RPL6: variants seen among roughly 807,000 people sequenced by gnomAD.
RPL6 encodes ribosomal protein L6, also known as large ribosomal subunit protein eL6.
RPL6 carries 1 observed loss-of-function variant against 32.1 expected under a neutral mutation model. The ratio of observed to expected loss-of-function variants is 0.03; its 90% CI spans 0.01 to 0.15. RPL6 has a LOEUF of 0.15. RPL6 is among the 10% of genes least tolerant of loss of function. The probability of loss-of-function intolerance (pLI) is 1.00; values close to 1 mark genes in which losing one functional copy is unlikely to be tolerated. For synonymous variants in RPL6, 126 were observed against 131.6 expected (o/e 0.96, Z 0.29); for missense variants, 275 against 354.6 (o/e 0.78, Z 1.80).
At chr12:112,415,994 C>T (rs568386090) in intron 1 of RPL6, among the ~76,000 whole-genome samples, 390 of 142,784 alleles carry the variant, frequency 2.7e-3, no homozygotes, top group Non-Finnish European at 5.1e-3. Flanking sequence ...AGTCTCGCTC[C>T]GACGCCCAGG....
At chr12:112,412,664 C>T (rs2037354825), upstream of RPL6, among the ~76,000 whole-genome samples, 1 of 152,018 alleles carries the variant, frequency 6.6e-6, no homozygotes, top group African/African-American at 2.4e-5. Context: ...TTTGTAGAGA[C>T]AGGGTCTCAC....
chr12:112,406,159 C>G, intron 5 of RPL6, 122 bp from the exon 6 acceptor site: 1 of 1,199,954 alleles, frequency 8.3e-7, no homozygotes, highest in Admixed American at 2.0e-5. Flanking sequence ...CACTTGCACA[C>G]AAGGCAATGA....
At chr12:112,406,686 G>A (rs2037178315) in intron 4 of RPL6, 61 bp downstream of exon 4, 18 of 1,597,692 alleles carry the variant, frequency 1.1e-5, no homozygotes, top group East Asian at 2.2e-5. Flanking sequence ...GCGTGCAAAC[G>A]CATTGCCACC....
rs2037184635 is a variant in RPL6, at chr12:112,406,832, G to C, written c.395C>G (p.Pro132Arg). ...PRKLLSHGKK[P>R]FSQHVRKLRA... ...CAGTTTTCTCACGTGCTGACTGAAG[G>C]GTTTTTTGCCGTGGCTCAACAGCTT... The change falls in exon 4 of 7, where the codon CCC becomes CGC. Residue 132 changes from proline to arginine, a missense_variant. Physicochemically the swap from Pro to Arg is moderately radical, Grantham distance 103. Coordinates refer to ENST00000202773, the MANE Select transcript of RPL6 (RefSeq NM_000970.6). 1.2e-6 allele frequency: 2 copies of C among 1,614,084 alleles called. No homozygotes were observed. Among genetic ancestry groups the C allele is most frequent in the African/African-American group, 2.7e-5 (2 of 74,920 alleles).
Position 112,408,524 on chromosome 12 carries a change from T to C in RPL6, c.133A>G (p.Ser45Gly), listed in dbSNP as rs17856902. 34 of 1,612,658 alleles carry C rather than the reference T, an allele frequency of 2.1e-5. No individual in the cohort carries two copies. The highest frequency in any genetic ancestry group is 2.9e-5 in the Non-Finnish European group (34 of 1,179,984). The change falls in exon 2 of 7, where the codon AGC becomes GGC. Residue 45 changes from serine (S) to glycine (G), a missense_variant. Ser to Gly is a moderately conservative substitution (Grantham distance 56). Transcript: ENST00000202773. ...CCTCTGACAAGGACAGGGTTGCGGCTGCAATGGGGCTTCCCCTTCTTGGGC... is the reference window on the plus strand; with the variant it reads ...CCTCTGACAAGGACAGGGTTGCGGCCGCAATGGGGCTTCCCCTTCTTGGGC... ...KKPKKGKPHC[S>G]RNPVLVRGIG...
chr12:112,406,924 T>C, intron 3 of RPL6, 34 bp from the exon 4 acceptor site: 2 of 1,610,232 alleles, frequency 1.2e-6, no homozygotes, highest in Non-Finnish European at 1.7e-6. Flanking sequence ...CTTATTTAAA[T>C]AAGCCATTCA....
intron 6 of RPL6, 156 bp downstream of exon 6, chr12:112,405,697 G>T (rs2037140632): frequency 5.7e-6 from 4 of 699,738 alleles, no homozygotes; most frequent in South Asian, 2.1e-5. Context: ...ACTGCCAAAA[G>T]AACTACTCAA....
chr12:112,411,442 A>G (rs2037340101), upstream of RPL6: 1 of 152,146 alleles, frequency 6.6e-6, no homozygotes, highest in Non-Finnish European at 1.5e-5. Context: ...GTTCTGATTC[A>G]CTGAGGATAC....
chr12:112,408,722 T>C (rs2037262009), intron 1 of RPL6, 66 bp from the exon 2 acceptor site: 3 of 1,387,600 alleles, frequency 2.2e-6, no homozygotes, highest in Admixed American at 4.3e-5. Context: ...AAGACAATAA[T>C]GAACCTGTAC....
At chr12:112,406,386 C>G in intron 4 of RPL6, 44 bp from the exon 5 acceptor site, 1 of 1,528,902 alleles carries the variant, frequency 6.5e-7, no homozygotes, top group Non-Finnish European at 9.0e-7. Flanking sequence ...CAATTAAAAA[C>G]TGACTTCTGA....
chr12:112,413,188 TA>T (rs1469039805), upstream of RPL6, among the ~76,000 whole-genome samples: 4 of 152,160 alleles, frequency 2.6e-5, no homozygotes, highest in African/African-American at 9.7e-5. Flanking sequence ...GAAATTCAAA[TA>T]AAGTAATGGC....
intron 1 of RPL6, among the ~76,000 whole-genome samples, chr12:112,417,110 C>T (rs113407720): frequency 5.3e-5 from 8 of 152,048 alleles, no homozygotes; most frequent in African/African-American, 1.2e-4. Context: ...CAGGCTGGAG[C>T]GCAGTGGTGC....
chr12:112,417,038 C>T (rs568479789), intron 1 of RPL6, among the ~76,000 whole-genome samples: 1 of 152,246 alleles, frequency 6.6e-6, no homozygotes, highest in African/African-American at 2.4e-5. Context: ...TATGGCTCTG[C>T]CATTCACTAG....
At chr12:112,414,257 G>C (rs546538498), upstream of RPL6, among the ~76,000 whole-genome samples, 1 of 152,340 alleles carries the variant, frequency 6.6e-6, no homozygotes, top group South Asian at 2.1e-4. Context: ...TGTGCTAAGG[G>C]AAGGAGTTCA....
In RPL6 at chr12:112,405,298, G is replaced by A. The variant is rs1485389652; in HGVS notation, c.793C>T (p.Pro265Ser). 1 of 1,610,000 alleles carries A rather than the reference G, an allele frequency of 6.2e-7. No homozygotes were observed. Among genetic ancestry groups the A allele is most frequent in the African/African-American group, 1.3e-5 (1 of 74,702 alleles). The change falls in exon 7 of 7, where the codon CCT (proline) becomes TCT (serine). Residue 265 changes from proline to serine, a missense_variant. Pro to Ser is a moderately conservative substitution (Grantham distance 74, BLOSUM62 -1). Transcript: ENST00000202773. The part of the protein sequence containing the change: ...SQILPKIKAI[P>S]QLQGYLRSVF... ...GATCGCAGGTAGCCCTGGAGCTGAG[G>A]AATAGCTTTGATTTTTGGTAAAATT...
intron 1 of RPL6, 60 bp from the exon 2 acceptor site, chr12:112,408,716 C>T (rs1445664470): frequency 2.0e-5 from 28 of 1,414,926 alleles, no homozygotes; most frequent in Non-Finnish European, 2.7e-5. Context: ...TCTAACAAGA[C>T]AATAATGAAC....
At chr12:112,411,134 G>T (rs1388819286), upstream of RPL6, among the ~76,000 whole-genome samples, 1 of 152,144 alleles carries the variant, frequency 6.6e-6, no homozygotes. Context: ...TTAACCATTA[G>T]GCTGCAAGAT....
At position 112,406,628 on chromosome 12, in the gene RPL6, C is replaced by A. The variant is rs2037176284; in HGVS notation, c.480+119G>T. The A allele has an allele frequency of 4.5e-6, 6 of 1,335,260 alleles. No homozygotes were observed. In the East Asian group the frequency reaches 1.5e-4, roughly 33 times the overall value. 82.7% of individuals were successfully genotyped at this position (1,335,260 alleles called of 1,614,324 possible). A position where few individuals can be genotyped will look rare whatever the true frequency, so the allele number is the denominator to read the frequency against. On this transcript the variant is annotated intron_variant, in intron 4 of 6. Transcript: ENST00000202773. ...AACAACTAAGTTGTATCTTGCAGAT[C>A]ATTTCCCCTTGCCCCAAACATAGGT...
chr12:112,410,636 C>T (rs1310811202), upstream of RPL6, among the ~76,000 whole-genome samples: 6 of 124,682 alleles, frequency 4.8e-5, no homozygotes, highest in Admixed American at 5.2e-4. Flanking sequence ...TGTGGTGGCA[C>T]GATCTTGGCT....
Sources: allele counts gnomAD v4.1 joint callset (sites outside exome capture counted in the v4.1 genomes callset), GRCh38; gene constraint gnomAD v4.1.1; transcripts MANE v1.5; gene names NCBI Gene and HGNC (gene_info 2026-07-23, HGNC 2026-07-21).